The following ABCA9 variants were observed in gnomAD, a reference collection of about 807,000 sequenced individuals.
ABCA9 encodes the protein ATP-binding cassette sub-family A member 9.
In ABCA9, 183 loss-of-function variants were observed where a neutral mutation model predicts 205.3. The observed-to-expected ratio is 0.89, with a 90% CI of 0.79 to 1.01. The LOEUF (loss-of-function observed/expected upper bound fraction) is 1.01. Ranked by LOEUF, ABCA9 falls within the 50% of genes least tolerant of loss-of-function variation. The pLI is 0.00. For synonymous variants in ABCA9, 651 were observed against 683.3 expected (o/e 0.95, Z 0.74); for missense variants, 1,805 against 1,912.4 (o/e 0.94, Z 1.05).
At chr17:68,992,826 G>A (rs7503121) in intron 27 of ABCA9, 190 bp downstream of exon 27, 23,671 of 90,384 alleles carry the variant, frequency 0.26, 255 homozygotes, top group Middle Eastern at 0.34. Context: ...AAAAAAAAAA[G>A]GGGGGGGGTC....
intron 32 of ABCA9, among the ~76,000 whole-genome samples, chr17:68,985,934 C>T (rs139487529): frequency 1.6e-4 from 25 of 151,544 alleles, no homozygotes; most frequent in East Asian, 5.8e-4. Flanking sequence ...AGCCAAACTC[C>T]GTCTCAAAAG....
At chr17:69,027,158 A>G in intron 14 of ABCA9, 44 bp from the exon 15 acceptor site, 1 of 1,602,546 alleles carries the variant, frequency 6.2e-7, no homozygotes. Flanking sequence ...CCTTTCGGAT[A>G]AGATCCTTTT....
intron 3 of ABCA9, 117 bp downstream of exon 3, chr17:69,049,166 A>G (rs1408464231): frequency 8.8e-7 from 1 of 1,142,288 alleles, no homozygotes; most frequent in African/African-American, 1.6e-5. Flanking sequence ...ATATACGTTA[A>G]TGTTGTTAAT....
At chr17:69,059,942 A>G (rs548369486) in intron 1 of ABCA9, among the ~76,000 whole-genome samples, 1 of 152,310 alleles carries the variant, frequency 6.6e-6, no homozygotes, top group Admixed American at 6.5e-5. Context: ...GCCTGAAACC[A>G]AACTGCAACA....
intron 4 of ABCA9, among the ~76,000 whole-genome samples, chr17:69,044,886 C>A (rs767189239): frequency 8.5e-5 from 13 of 152,110 alleles, no homozygotes; most frequent in Non-Finnish European, 1.3e-4. Flanking sequence ...GTCAAGAAAG[C>A]ACTAAACTTT....
chr17:69,053,436 G>A (rs2071971351), intron 1 of ABCA9, among the ~76,000 whole-genome samples: 1 of 152,140 alleles, frequency 6.6e-6, no homozygotes, highest in Non-Finnish European at 1.5e-5. Context: ...AGGGGGCAGA[G>A]ACAAAATATA....
intron 26 of ABCA9, among the ~76,000 whole-genome samples, chr17:68,994,607 A>G (rs2069556897): frequency 6.6e-6 from 1 of 152,140 alleles, no homozygotes; most frequent in Non-Finnish European, 1.5e-5. Flanking sequence ...GGCCAAGTTA[A>G]TGACTTCCCC....
rs781663929 is a variant in ABCA9 at position 68,990,854 on chromosome 17, C to T, written c.3820G>A (p.Val1274Met). ...ERMRTVNAMA[V>M]RDFDETPVII... ...AGTTCTACCTCATCAAAGTCTCGCA[C>T]AGCCATAGCATTCACTGTTCTCATT... Residue 1274 changes from valine (V) to methionine (M), a missense_variant, in exon 29 of 39, where the codon GTG becomes ATG. By Grantham distance (21) the Val-to-Met change is conservative. Transcript: ENST00000340001. The T allele has an allele frequency of 1.9e-6, 3 of 1,613,186 alleles. 1 individual carries two copies. Among genetic ancestry groups the T allele is most frequent in the South Asian group, 1.1e-5 (1 of 90,892 alleles).
chr17:69,035,906 A>T, intron 6 of ABCA9, 105 bp from the exon 7 acceptor site: 1 of 1,388,802 alleles, frequency 7.2e-7, no homozygotes, highest in Non-Finnish European at 9.6e-7. Flanking sequence ...ATCAAGGGTA[A>T]AGGAAAAGAA....
chr17:69,028,679 C>A, intron 11 of ABCA9, 34 bp from the exon 12 acceptor site: 1 of 1,336,204 alleles, frequency 7.5e-7, no homozygotes, highest in Non-Finnish European at 1.0e-6. Flanking sequence ...ACACTCAGAG[C>A]CTACATATTA....
intron 14 of ABCA9, 33 bp from the exon 15 acceptor site, chr17:69,027,147 C>G (rs764527138): frequency 7.5e-6 from 12 of 1,608,936 alleles, no homozygotes; most frequent in Non-Finnish European, 1.0e-5. Context: ...AGTAATTCCA[C>G]CCTTTCGGAT....
intron 22 of ABCA9, among the ~76,000 whole-genome samples, chr17:69,013,470 C>T (rs2070460280): frequency 6.6e-6 from 1 of 152,066 alleles, no homozygotes; most frequent in South Asian, 2.1e-4. Context: ...GTGCCAAAGA[C>T]TACATCCCCC....
chr17:69,049,526 T>C (rs1323240608), intron 2 of ABCA9, 36 bp from the exon 3 acceptor site: 2 of 1,507,094 alleles, frequency 1.3e-6, no homozygotes, highest in Non-Finnish European at 1.8e-6. Flanking sequence ...AACAAACTGG[T>C]AGATGTTATA....
At chr17:69,005,830 T>C (rs1338463980) in intron 25 of ABCA9, among the ~76,000 whole-genome samples, 1 of 152,216 alleles carries the variant, frequency 6.6e-6, no homozygotes, top group African/African-American at 2.4e-5. Context: ...GATTGTGTGA[T>C]GTATTTTGCT....
intron 25 of ABCA9, among the ~76,000 whole-genome samples, chr17:69,004,396 C>T (rs1340723287): frequency 2.0e-5 from 3 of 152,172 alleles, no homozygotes; most frequent in Non-Finnish European, 2.9e-5. Flanking sequence ...TGTCAGTGTG[C>T]CCCTGCTGGA....
intron 19 of ABCA9, 88 bp downstream of exon 19, chr17:69,020,300 A>G: frequency 7.8e-7 from 1 of 1,289,486 alleles, no homozygotes; most frequent in Non-Finnish European, 1.1e-6. Flanking sequence ...ACTGAAATTT[A>G]TTTTATCTGA....
At chr17:69,006,671 G>C (rs990913963) in intron 25 of ABCA9, among the ~76,000 whole-genome samples, 2 of 152,096 alleles carry the variant, frequency 1.3e-5, no homozygotes, top group South Asian at 2.1e-4. Flanking sequence ...GGCTTCTAGG[G>C]TTCTAGTATT....
At position 69,035,384 on chromosome 17, in the gene ABCA9, A is replaced by G. The variant is rs777292049; in HGVS notation, c.990T>C (p.Leu330=). The stretch of plus-strand genomic sequence containing the variant: ...TAAGGAGAAACACAACCAAGCCCGT[A>G]AGGAAAGGTTTCTTTATCAACACAC... ...LMSVLIKKPF[L]TGLVVFLLIV... is the part of the protein sequence containing the mutation. Residue 330 remains leucine, a synonymous_variant, in exon 8 of 39, where the codon CTT becomes CTC. Coordinates refer to ENST00000340001, the MANE Select transcript of ABCA9 (RefSeq NM_080283.4). 3.1e-6 allele frequency: 5 copies of G among 1,605,614 alleles called. No homozygotes were observed. Among genetic ancestry groups the G allele is most frequent in the Non-Finnish European group, 4.3e-6 (5 of 1,175,968 alleles).
chr17:68,982,414 A>C, intron 37 of ABCA9, 148 bp downstream of exon 37: 1 of 642,688 alleles, frequency 1.6e-6, no homozygotes, highest in South Asian at 2.0e-5. Flanking sequence ...ATCACCCCTT[A>C]TGGAAAAACA....
Sources: gnomAD v4.1 joint callset for allele counts (sites outside exome capture counted in the v4.1 genomes callset) on GRCh38, gnomAD v4.1.1 for gene constraint, MANE v1.5 for transcripts, NCBI Gene and HGNC (gene_info 2026-07-23, HGNC 2026-07-21) for gene names.